The following SEC23B variants were observed in gnomAD, a reference collection of about 807,000 sequenced individuals.
The protein encoded by SEC23B is protein transport protein Sec23B.
Under a neutral mutation model 104.3 loss-of-function variants are expected in SEC23B, and 77 were observed. The observed-to-expected ratio is 0.74, with a 90% CI of 0.61 to 0.89. The LOEUF (loss-of-function observed/expected upper bound fraction) is 0.89. SEC23B is among the 40% of genes least tolerant of loss of function. The pLI is 0.00. For missense variants in SEC23B, 885 were observed against 949.4 expected (o/e 0.93, Z 0.89); for synonymous variants, 338 against 332.5 (o/e 1.02, Z -0.18).
intron 14 of SEC23B, 67 bp downstream of exon 14, chr20:18,543,239 C>T: frequency 6.3e-7 from 1 of 1,587,248 alleles, no homozygotes; most frequent in Non-Finnish European, 8.6e-7. Context: ...AGAAAATTGT[C>T]ACTTAATTAT....
chr20:18,534,122 T>G (rs909360131), intron 11 of SEC23B, among the ~76,000 whole-genome samples: 5 of 152,250 alleles, frequency 3.3e-5, no homozygotes, highest in Non-Finnish European at 7.3e-5. Context: ...TTGCTTTATC[T>G]GATTTTCATT....
chr20:18,534,295 A>G (rs2148907341), intron 11 of SEC23B, among the ~76,000 whole-genome samples: 1 of 152,286 alleles, frequency 6.6e-6, no homozygotes, highest in African/African-American at 2.4e-5. Flanking sequence ...TAATTTCCTA[A>G]TATCTAGTTC....
intron 12 of SEC23B, among the ~76,000 whole-genome samples, chr20:18,540,475 T>A (rs2060277521): frequency 6.6e-6 from 1 of 152,196 alleles, no homozygotes; most frequent in African/African-American, 2.4e-5. Flanking sequence ...GTTGTTCCTT[T>A]TGTAGAGCAC....
At chr20:18,508,332 TA>T (rs1286213096) in intron 1 of SEC23B, 3 of 152,254 alleles carry the variant, frequency 2.0e-5, no homozygotes, top group Admixed American at 6.5e-5. Context: ...AAACCTCACT[TA>T]TTCTTACATA....
At chr20:18,540,607 G>GC (rs2060278830) in intron 12 of SEC23B, among the ~76,000 whole-genome samples, 1 of 152,168 alleles carries the variant, frequency 6.6e-6, no homozygotes, top group South Asian at 2.1e-4. Context: ...TGTAATCCCA[G>GC]CACTTTGGGA....
chr20:18,508,197 G>T (rs2059948490), intron 1 of SEC23B: 1 of 152,202 alleles, frequency 6.6e-6, no homozygotes. Flanking sequence ...TGCGGAGTGC[G>T]CACACCTGGA....
At chr20:18,519,763 T>C (rs995495698) in intron 4 of SEC23B, among the ~76,000 whole-genome samples, 2 of 152,148 alleles carry the variant, frequency 1.3e-5, no homozygotes, top group Non-Finnish European at 2.9e-5. Flanking sequence ...ATGGTAAAAC[T>C]AGGTATCCAA....
intron 10 of SEC23B, 53 bp downstream of exon 10, chr20:18,530,856 G>A: frequency 1.4e-6 from 2 of 1,479,824 alleles, no homozygotes; most frequent in South Asian, 1.2e-5. Context: ...TGCCCAGGCT[G>A]GTCTCAAACT....
chr20:18,524,599 T>C lies in SEC23B; in HGVS notation c.533T>C (p.Leu178Pro). Reference protein sequence around the residue: ...TFGRMVQVHELSCEGISKSYV... With the variant: ...TFGRMVQVHEPSCEGISKSYV... Reference sequence around the variant, plus strand: ...GGAAGGATGGTGCAGGTTCATGAGCTAAGCTGTGAAGGAATCTCCAAAAGT... The same window carrying C: ...GGAAGGATGGTGCAGGTTCATGAGCCAAGCTGTGAAGGAATCTCCAAAAGT... Residue 178 changes from leucine to proline, a missense_variant, in exon 5 of 20, where the codon CTA (leucine) becomes CCA (proline). Transcript: ENST00000650089. The C allele has an allele frequency of 6.2e-7, 1 of 1,614,250 alleles. No homozygotes were observed. The highest frequency in any genetic ancestry group is 2.2e-5 in the East Asian group (1 of 44,886).
chr20:18,518,247 G>T (rs2060048333), intron 4 of SEC23B, among the ~76,000 whole-genome samples: 1 of 152,230 alleles, frequency 6.6e-6, no homozygotes, highest in African/African-American at 2.4e-5. Context: ...CTCAGACCCT[G>T]TGGGAAAGGC....
chr20:18,529,213 A>C (rs2060160833), intron 9 of SEC23B, among the ~76,000 whole-genome samples: 1 of 152,232 alleles, frequency 6.6e-6, no homozygotes. Flanking sequence ...CCTGTGAAGG[A>C]ATCTGATTTG....
At chr20:18,541,532 T>C (rs2060287863) in intron 12 of SEC23B, among the ~76,000 whole-genome samples, 1 of 152,158 alleles carries the variant, frequency 6.6e-6, no homozygotes. Flanking sequence ...CATTGTAGGG[T>C]TATTAACTGG....
Position 18,542,309 on chromosome 20 carries a change from TCCC to T in SEC23B, c.1421_1423del (p.Pro474del), listed in dbSNP as rs1328299432. The T allele has an allele frequency of 3.1e-6, 5 of 1,614,060 alleles. No homozygotes were observed. The highest frequency in any genetic ancestry group is 4.2e-6 in the Non-Finnish European group (5 of 1,180,006). On this transcript the variant is annotated inframe_deletion, in exon 13 of 20. Transcript: ENST00000650089. ...CTCATCCTACAGCACAACACCCCGATCCCCCAAGGAGGCAGAGGAGCCATCCAG... is the reference window on the plus strand; with the variant it reads ...CTCATCCTACAGCACAACACCCCGATCCAAGGAGGCAGAGGAGCCATCCAG...
intron 5 of SEC23B, 101 bp downstream of exon 5, chr20:18,524,770 T>C (rs1600241041): frequency 1.7e-6 from 2 of 1,212,098 alleles, no homozygotes; most frequent in South Asian, 1.2e-5. Context: ...AGTTCAGTGG[T>C]GTGATCATTG....
At chr20:18,520,291 A>G (rs1050574716) in intron 4 of SEC23B, among the ~76,000 whole-genome samples, 6 of 152,216 alleles carry the variant, frequency 3.9e-5, no homozygotes, top group Non-Finnish European at 7.3e-5. Flanking sequence ...TGCTATAACA[A>G]GCGAGTGATA....
chr20:18,520,857 G>A (rs1301994387), intron 4 of SEC23B, among the ~76,000 whole-genome samples: 3 of 151,950 alleles, frequency 2.0e-5, no homozygotes, highest in East Asian at 1.9e-4. Flanking sequence ...GGCAGCGTCC[G>A]TCTTCAGCCA....
intron 18 of SEC23B, 57 bp downstream of exon 18, chr20:18,554,447 TG>T (rs913010777): frequency 7.7e-5 from 120 of 1,566,260 alleles, no homozygotes; most frequent in Admixed American, 1.7e-4. Flanking sequence ...AGATTGTTAT[TG>T]CTATACATCT....
intron 6 of SEC23B, 96 bp downstream of exon 6, chr20:18,525,116 T>C (rs1346392924): frequency 1.8e-6 from 2 of 1,121,700 alleles, no homozygotes; most frequent in African/African-American, 3.1e-5. Flanking sequence ...TGTATTTTCT[T>C]ATTATTAGAG....
chr20:18,515,549 G>C, intron 3 of SEC23B, 101 bp from the exon 4 acceptor site: 1 of 733,266 alleles, frequency 1.4e-6, no homozygotes, highest in South Asian at 1.4e-5. Flanking sequence ...CTGAGCTCAA[G>C]TGTTCCTCTC....
Sources: allele counts gnomAD v4.1 joint callset (sites outside exome capture counted in the v4.1 genomes callset), GRCh38; gene constraint gnomAD v4.1.1; transcripts MANE v1.5; gene names NCBI Gene and HGNC (gene_info 2026-07-23, HGNC 2026-07-21).